The following SGCZ variants were observed in gnomAD, a reference collection of about 807,000 sequenced individuals.
SGCZ encodes zeta-sarcoglycan.
SGCZ carries 40 observed loss-of-function variants against 41.3 expected under a neutral mutation model. The ratio of observed to expected loss-of-function variants is 0.97; its 90% confidence interval spans 0.75 to 1.26. The LOEUF (loss-of-function observed/expected upper bound fraction) is 1.26, where lower values mean the gene tolerates loss of function less well. SGCZ is among the 50% of genes most tolerant of loss of function. The pLI is 0.00. For missense variants in SGCZ, 552 were observed against 369.8 expected, an observed-to-expected ratio of 1.49 and a Z score of -4.04; for synonymous variants, 206 against 137.5, an observed-to-expected ratio of 1.50 and a Z score of -3.49.
At chr8:15,173,540 AATATGT>A (rs1799911679) in intron 1 of SGCZ, among the ~76,000 whole-genome samples, 1 of 152,208 alleles carries the variant, frequency 6.6e-6, no homozygotes, top group Admixed American at 6.5e-5. Flanking sequence ...TGTATATTAT[AATATGT>A]AGTATGATTT....
intron 1 of SGCZ, among the ~76,000 whole-genome samples, chr8:15,198,493 G>A (rs957499721): frequency 6.6e-6 from 1 of 152,056 alleles, no homozygotes; most frequent in African/African-American, 2.4e-5. Context: ...GTTTTTAAAA[G>A]TAGCACATCA....
chr8:15,213,069 T>C (rs142829852), intron 1 of SGCZ, among the ~76,000 whole-genome samples: 342 of 152,132 alleles, frequency 2.2e-3, no homozygotes, highest in African/African-American at 7.7e-3. Flanking sequence ...ATATTTTCAC[T>C]CTTGAGGGGC....
chr8:14,148,432 G>A (rs543829967), intron 5 of SGCZ, among the ~76,000 whole-genome samples: 1 of 151,878 alleles, frequency 6.6e-6, no homozygotes, highest in Non-Finnish European at 1.5e-5. Context: ...GGAAAATCTA[G>A]AAGAAATGGA....
rs79669739 is a variant in SGCZ at position 14,507,678 on chromosome 8, G to A, written c.234+47054C>T. Among the ~76,000 whole-genome samples the A allele has an allele frequency of 9.1e-3, 1,384 of 152,142 alleles. 25 individuals are homozygous for A. Among genetic ancestry groups the A allele is most frequent in the African/African-American group, 0.032 (1,330 of 41,506 alleles). ...TGTCGATGTACTTTCTGCATGGAAT[G>A]CAATTCTTCAAGTTTTCTATGCTTA... On this transcript the variant is annotated intron_variant, in intron 2 of 7. Coordinates refer to ENST00000382080, the MANE Select transcript of SGCZ (RefSeq NM_139167.4).
intron 1 of SGCZ, among the ~76,000 whole-genome samples, chr8:14,990,432 G>A (rs905725139): frequency 2.7e-4 from 41 of 152,174 alleles, no homozygotes; most frequent in African/African-American, 9.6e-4. Context: ...GCTCCCCATC[G>A]CTGGGATTAC....
chr8:15,066,939 T>A (rs976732809), intron 1 of SGCZ, among the ~76,000 whole-genome samples: 2 of 152,212 alleles, frequency 1.3e-5, no homozygotes, highest in African/African-American at 4.8e-5. Flanking sequence ...CCTTTATACA[T>A]ATCATCTGTA....
intron 1 of SGCZ, among the ~76,000 whole-genome samples, chr8:15,101,018 T>A (rs538985173): frequency 6.6e-6 from 1 of 152,060 alleles, no homozygotes; most frequent in African/African-American, 2.4e-5. Flanking sequence ...TTACCATTTG[T>A]AATAAAAAAC....
chr8:14,421,324 T>A (rs1028175774), intron 2 of SGCZ, among the ~76,000 whole-genome samples: 3 of 152,120 alleles, frequency 2.0e-5, no homozygotes, highest in African/African-American at 7.2e-5. Context: ...TAAAACAATA[T>A]GAGGCAATTT....
At chr8:14,648,487 C>G (rs902554855) in intron 1 of SGCZ, among the ~76,000 whole-genome samples, 4 of 151,944 alleles carry the variant, frequency 2.6e-5, no homozygotes, top group Non-Finnish European at 4.4e-5. Flanking sequence ...TACATTGTGA[C>G]ATGTTAAGAT....
At position 14,415,027 on chromosome 8, in the gene SGCZ, T is replaced by A. The variant is rs182642791; in HGVS notation, c.235-90823A>T. Among the ~76,000 whole-genome samples, 92 of 152,056 alleles carry A rather than the reference T, an allele frequency of 6.1e-4. 2 individuals carry two copies. The highest frequency in any genetic ancestry group is 4.5e-3 in the Admixed American group (69 of 15,206). On this transcript the variant is annotated intron_variant, in intron 2 of 7. Transcript: ENST00000382080. The stretch of plus-strand genomic sequence containing the variant: ...TTGTGCTTAATGAGGTGCTCGAAGA[T>A]TTTACAAAATTATCCTGCTACTTAT...
intron 2 of SGCZ, among the ~76,000 whole-genome samples, chr8:14,553,062 G>A (rs553980241): frequency 6.6e-6 from 1 of 152,110 alleles, no homozygotes; most frequent in South Asian, 2.1e-4. Context: ...GCAACTGATA[G>A]TCTGGTTGCT....
intron 1 of SGCZ, among the ~76,000 whole-genome samples, chr8:15,202,263 G>A (rs1800914293): frequency 6.6e-6 from 1 of 152,166 alleles, no homozygotes; most frequent in South Asian, 2.1e-4. Flanking sequence ...ATGAATCAAT[G>A]AGTGAATAAA....
At chr8:14,814,279 G>A (rs779494481) in intron 1 of SGCZ, among the ~76,000 whole-genome samples, 11 of 152,160 alleles carry the variant, frequency 7.2e-5, no homozygotes, top group Non-Finnish European at 1.5e-4. Context: ...CTCCTTAAAT[G>A]GTCAGCCTAA....
intron 2 of SGCZ, among the ~76,000 whole-genome samples, chr8:14,430,023 T>G (rs1421784562): frequency 6.6e-6 from 1 of 152,170 alleles, no homozygotes; most frequent in Non-Finnish European, 1.5e-5. Context: ...TCATTTCTAA[T>G]TGAGCTTATT....
chr8:14,161,114 A>G (rs926187594), intron 5 of SGCZ, among the ~76,000 whole-genome samples: 1 of 152,156 alleles, frequency 6.6e-6, no homozygotes, highest in African/African-American at 2.4e-5. Context: ...AGCACCCTGG[A>G]GTCAATGTCT....
chr8:14,285,214 T>C (rs989934702), intron 3 of SGCZ, among the ~76,000 whole-genome samples: 3 of 152,156 alleles, frequency 2.0e-5, no homozygotes, highest in African/African-American at 4.8e-5. Flanking sequence ...ATAAAATATA[T>C]GTGTCATTTC....
At chr8:14,232,135 T>TCA (rs911839903) in intron 4 of SGCZ, among the ~76,000 whole-genome samples, 2 of 1,854 alleles carry the variant, frequency 1.1e-3, no homozygotes, top group African/African-American at 4.0e-3. Context: ...TCTTCTTTCA[T>TCA]CATATATATA....
chr8:14,480,181 T>C (rs958665054), intron 2 of SGCZ, among the ~76,000 whole-genome samples: 3 of 152,230 alleles, frequency 2.0e-5, no homozygotes, highest in Admixed American at 2.0e-4. Context: ...ATGACTAATA[T>C]AGGTAACTAT....
chr8:14,215,385 A>C (rs1386415973), intron 4 of SGCZ, among the ~76,000 whole-genome samples: 1 of 152,166 alleles, frequency 6.6e-6, no homozygotes, highest in African/African-American at 2.4e-5. Flanking sequence ...ATAACAGACA[A>C]ACTTACAGCA....
Sources: allele counts gnomAD v4.1 joint callset (sites outside exome capture counted in the v4.1 genomes callset), GRCh38; gene constraint gnomAD v4.1.1; transcripts MANE v1.5; gene names NCBI Gene and HGNC (gene_info 2026-07-23, HGNC 2026-07-21).